OMA1: variants seen among roughly 807,000 people sequenced by gnomAD.
OMA1 encodes metalloendopeptidase OMA1, mitochondrial.
OMA1 carries 38 observed loss-of-function variants against 30.9 expected under a neutral mutation model. The observed-to-expected ratio is 1.23, with a 90% confidence interval of 0.95 to 1.61. The LOEUF is 1.61. OMA1 is among the 40% of genes most tolerant of loss of function. The probability of loss-of-function intolerance (pLI) is 0.00; values close to 1 mark genes in which losing one functional copy is unlikely to be tolerated. For missense variants in OMA1, 461 were observed against 349.2 expected, an observed-to-expected ratio of 1.32 and a Z score of -2.55; for synonymous variants, 173 against 121.9, an observed-to-expected ratio of 1.42 and a Z score of -2.76.
intron 1 of OMA1, 114 bp from the exon 2 acceptor site, chr1:58,539,424 A>G: frequency 1.6e-6 from 1 of 623,080 alleles, no homozygotes. Flanking sequence ...TCTCAGGCTA[A>G]ATTACCTTGG....
At chr1:58,513,152 C>T (rs966202811) in intron 7 of OMA1, among the ~76,000 whole-genome samples, 2 of 152,104 alleles carry the variant, frequency 1.3e-5, no homozygotes, top group Non-Finnish European at 2.9e-5. Context: ...GACAGCAGTT[C>T]CCCCATGCTG....
At chr1:58,505,596 C>T (rs1379822379) in intron 8 of OMA1, among the ~76,000 whole-genome samples, 1 of 152,034 alleles carries the variant, frequency 6.6e-6, no homozygotes, top group African/African-American at 2.4e-5. Context: ...TAACCAGAAA[C>T]AAACATGAAG....
chr1:58,508,482 C>A (rs1202309771), intron 7 of OMA1, among the ~76,000 whole-genome samples: 1 of 152,144 alleles, frequency 6.6e-6, no homozygotes, highest in Non-Finnish European at 1.5e-5. Context: ...TGAACAACAT[C>A]AAACCTGGTA....
At chr1:58,519,993 G>A (rs1465859367) in intron 7 of OMA1, among the ~76,000 whole-genome samples, 1 of 152,188 alleles carries the variant, frequency 6.6e-6, no homozygotes, top group East Asian at 1.9e-4. Flanking sequence ...ACAGTCAGAG[G>A]TTAAGTGATT....
At chr1:58,488,823 T>C (rs1164799246) in intron 8 of OMA1, among the ~76,000 whole-genome samples, 3 of 152,260 alleles carry the variant, frequency 2.0e-5, no homozygotes, top group Non-Finnish European at 2.9e-5. Flanking sequence ...TGTATACGTC[T>C]TATGCCTTTG....
At chr1:58,506,859 T>C (rs1645997745) in intron 7 of OMA1, among the ~76,000 whole-genome samples, 1 of 152,160 alleles carries the variant, frequency 6.6e-6, no homozygotes, top group African/African-American at 2.4e-5. Context: ...ATATACCTTA[T>C]AAAACACAAT....
intron 7 of OMA1, among the ~76,000 whole-genome samples, chr1:58,518,190 G>C (rs1646188131): frequency 2.4e-5 from 3 of 123,698 alleles, no homozygotes; most frequent in South Asian, 6.4e-4. Context: ...CTGTCAGAAA[G>C]AAAAGAGGAG....
chr1:58,536,365 G>C (rs1441238836), intron 3 of OMA1, 148 bp downstream of exon 3: 3 of 597,740 alleles, frequency 5.0e-6, no homozygotes, highest in Non-Finnish European at 9.0e-6. Flanking sequence ...TACTAAGTGT[G>C]AAAGGTCTGA....
At chr1:58,523,727 A>C (rs564379941) in intron 7 of OMA1, among the ~76,000 whole-genome samples, 8 of 152,062 alleles carry the variant, frequency 5.3e-5, no homozygotes, top group Admixed American at 4.6e-4. Flanking sequence ...GTGAAACCCC[A>C]TCTCTACTAA....
chr1:58,512,273 G>A (rs1361039625), intron 7 of OMA1, among the ~76,000 whole-genome samples: 1 of 152,162 alleles, frequency 6.6e-6, no homozygotes, highest in East Asian at 1.9e-4. Flanking sequence ...AGGATGTGAA[G>A]AAACTGGAAC....
At chr1:58,499,491 T>C (rs910840811) in intron 8 of OMA1, among the ~76,000 whole-genome samples, 1 of 149,148 alleles carries the variant, frequency 6.7e-6, no homozygotes, top group African/African-American at 2.5e-5. Flanking sequence ...GATAGATAGA[T>C]AGATAGATAG....
At chr1:58,540,197 C>T (rs1016533544) in intron 1 of OMA1, among the ~76,000 whole-genome samples, 6 of 151,666 alleles carry the variant, frequency 4.0e-5, no homozygotes, top group Non-Finnish European at 7.4e-5. Context: ...AGTCTGAGAC[C>T]GAAAGCTGCT....
intron 8 of OMA1, among the ~76,000 whole-genome samples, chr1:58,494,889 T>C (rs1466605738): frequency 6.6e-6 from 1 of 152,140 alleles, no homozygotes; most frequent in African/African-American, 2.4e-5. Context: ...GAACTAGAAA[T>C]ACCATTTGAC....
chr1:58,536,883 T>G, intron 2 of OMA1, 142 bp from the exon 3 acceptor site: 1 of 574,346 alleles, frequency 1.7e-6, no homozygotes, highest in Non-Finnish European at 3.1e-6. Context: ...CTTTTCCAAT[T>G]AATAAAATTC....
intron 8 of OMA1, among the ~76,000 whole-genome samples, chr1:58,501,334 T>C (rs1645903946): frequency 6.6e-6 from 1 of 152,236 alleles, no homozygotes; most frequent in South Asian, 2.1e-4. Context: ...TATATTATGC[T>C]AAAATGATCC....
intron 8 of OMA1, among the ~76,000 whole-genome samples, chr1:58,499,497 GATAGATAGATAA>G (rs1374652156): frequency 6.4e-4 from 96 of 150,164 alleles, no homozygotes; most frequent in Admixed American, 2.9e-3. Flanking sequence ...TAGATAGATA[GATAGATAGATAA>G]ATAGATAGAT....
At chr1:58,532,259 C>A (rs982694119) in intron 5 of OMA1, among the ~76,000 whole-genome samples, 4 of 152,092 alleles carry the variant, frequency 2.6e-5, no homozygotes, top group Non-Finnish European at 5.9e-5. Context: ...ATATTAATAA[C>A]TATGTTCTAT....
In OMA1 at chr1:58,536,699, CTTCT is replaced by C; in HGVS notation, c.539_542del (p.Lys180ArgfsTer3). 2 of 872,760 alleles carry C rather than the reference CTTCT, an allele frequency of 2.3e-6. No homozygotes were observed. The allele number at this position is 872,760 out of a possible 1,614,324, so 54.1% of individuals were successfully genotyped here. ...TCCTTATATTTTCTTTAACTACTTC[CTTCT>C]TGTTAGGAGGAAGTGCCTGCCACCA... On this transcript the variant is annotated frameshift_variant, in exon 3 of 9. Coordinates refer to ENST00000371226, the MANE Select transcript of OMA1 (RefSeq NM_145243.5). LOFTEE classifies it high-confidence loss of function.
chr1:58,527,429 G>A (rs1165743066), intron 6 of OMA1, 94 bp from the exon 7 acceptor site: 7 of 704,662 alleles, frequency 9.9e-6, no homozygotes, highest in South Asian at 9.1e-5. Flanking sequence ...GTTTCATGGA[G>A]TATCTAGGAT....
Sources: allele counts gnomAD v4.1 joint callset (sites outside exome capture counted in the v4.1 genomes callset), GRCh38; gene constraint gnomAD v4.1.1; transcripts MANE v1.5; gene names NCBI Gene and HGNC (gene_info 2026-07-23, HGNC 2026-07-21).